The following IGF2BP3 variants were observed in gnomAD, a reference collection of about 807,000 sequenced individuals.
The protein encoded by IGF2BP3 is insulin-like growth factor 2 mRNA-binding protein 3.
In IGF2BP3, 9 loss-of-function variants were observed where a neutral mutation model predicts 73.8. The ratio of observed to expected loss-of-function variants is 0.12; its 90% CI spans 0.07 to 0.21. The LOEUF is 0.21. IGF2BP3 is among the 10% of genes least tolerant of loss of function. The probability of loss-of-function intolerance (pLI) is 1.00; values close to 1 mark genes in which losing one functional copy is unlikely to be tolerated. For synonymous variants in IGF2BP3, 258 were observed against 256.7 expected (o/e 1.01, Z -0.05); for missense variants, 542 against 714.0 (o/e 0.76, Z 2.75).
At chr7:23,435,939 T>C (rs1787799746) in intron 2 of IGF2BP3, among the ~76,000 whole-genome samples, 1 of 151,758 alleles carries the variant, frequency 6.6e-6, no homozygotes, top group Non-Finnish European at 1.5e-5. Context: ...GTATTTTTAG[T>C]AGAGACGGGG....
At chr7:23,467,526 G>A (rs1008868251) in intron 2 of IGF2BP3, among the ~76,000 whole-genome samples, 3 of 152,220 alleles carry the variant, frequency 2.0e-5, no homozygotes, top group Admixed American at 6.5e-5. Context: ...GCGACTGGGA[G>A]GGAGCAGTGC....
At chr7:23,328,349 C>T (rs1008063418) in intron 10 of IGF2BP3, among the ~76,000 whole-genome samples, 1 of 152,184 alleles carries the variant, frequency 6.6e-6, no homozygotes, top group African/African-American at 2.4e-5. Flanking sequence ...GCTGGGATTA[C>T]AGGCGTGTGC....
chr7:23,353,547 G>A (rs1323758922), intron 5 of IGF2BP3, among the ~76,000 whole-genome samples: 1 of 152,196 alleles, frequency 6.6e-6, no homozygotes, highest in Non-Finnish European at 1.5e-5. Context: ...CAGAACTGCT[G>A]CTCACTGCAG....
chr7:23,326,301 AAC>A (rs1329489157), intron 10 of IGF2BP3, among the ~76,000 whole-genome samples: 1 of 152,228 alleles, frequency 6.6e-6, no homozygotes, highest in Non-Finnish European at 1.5e-5. Flanking sequence ...ATGCAGCCAA[AAC>A]ACACATGAAA....
chr7:23,431,938 C>G lies in IGF2BP3; in HGVS notation c.237-13114G>C, dbSNP rs866587365. ...CTTGTTTTATTCACTGTTGCACATT[C>G]CACTGGTTAACAGATTGCTTAGCTC... On this transcript the variant is annotated intron_variant, in intron 2 of 14. Transcript: ENST00000258729. Among the ~76,000 whole-genome samples the G allele has an allele frequency of 5.9e-5, 9 of 152,130 alleles. No individual in the cohort carries two copies. In the South Asian group the frequency reaches 8.3e-4, roughly 14 times the overall value.
chr7:23,330,154 C>T (rs973610274), intron 10 of IGF2BP3, among the ~76,000 whole-genome samples: 5 of 151,948 alleles, frequency 3.3e-5, no homozygotes, highest in African/African-American at 1.2e-4. Context: ...GGCATGGTGG[C>T]AGGCACCTGT....
At chr7:23,332,424 G>A (rs1433387578) in intron 10 of IGF2BP3, among the ~76,000 whole-genome samples, 1 of 152,184 alleles carries the variant, frequency 6.6e-6, no homozygotes, top group Non-Finnish European at 1.5e-5. Context: ...GTAACACACT[G>A]CAAGTATTAA....
intron 2 of IGF2BP3, among the ~76,000 whole-genome samples, chr7:23,434,451 A>T (rs1248319307): frequency 6.6e-6 from 1 of 152,194 alleles, no homozygotes; most frequent in East Asian, 1.9e-4. Flanking sequence ...AGACTTGTTT[A>T]TATTTCCATT....
intron 2 of IGF2BP3, among the ~76,000 whole-genome samples, chr7:23,426,534 G>A (rs988435997): frequency 1.3e-5 from 2 of 152,128 alleles, no homozygotes; most frequent in Non-Finnish European, 2.9e-5. Flanking sequence ...TAACCTAAAT[G>A]TTACCCTTTT....
intron 10 of IGF2BP3, among the ~76,000 whole-genome samples, chr7:23,336,506 T>C (rs1484996424): frequency 1.3e-5 from 2 of 152,314 alleles, no homozygotes; most frequent in African/African-American, 4.8e-5. Flanking sequence ...ATGTTCTTTT[T>C]TTCTCTTCTT....
chr7:23,451,703 C>T (rs972598843), intron 2 of IGF2BP3, among the ~76,000 whole-genome samples: 3 of 152,034 alleles, frequency 2.0e-5, no homozygotes, highest in Admixed American at 6.6e-5. Flanking sequence ...ATTCACAACA[C>T]CTTGGGAGGC....
intron 10 of IGF2BP3, among the ~76,000 whole-genome samples, chr7:23,323,947 A>G (rs1784225471): frequency 6.6e-6 from 1 of 152,060 alleles, no homozygotes; most frequent in Admixed American, 6.5e-5. Flanking sequence ...TTATAGCACT[A>G]AATGCCCACA....
intron 3 of IGF2BP3, among the ~76,000 whole-genome samples, chr7:23,412,842 CTTTTTTTTTTTTTTTTTTTTTT>C (rs557467066): frequency 5.4e-4 from 20 of 37,020 alleles, no homozygotes; most frequent in African/African-American, 1.9e-3. Context: ...AGACTCTGGC[CTTTTTTTTTTTTTTTTTTTTTT>C]TTTTTTTTTT....
rs532985863 is a variant in IGF2BP3, at chr7:23,397,941, A to T, written c.285+20835T>A. Among the ~76,000 whole-genome samples, 245 of 152,300 alleles carry T rather than the reference A, an allele frequency of 1.6e-3. 2 individuals carry two copies. In the Middle Eastern group the frequency reaches 0.024, roughly 15 times the overall value. On this transcript the variant is annotated intron_variant, in intron 3 of 14. Transcript: ENST00000258729. ...GCCTTATGTAATCATGGATCCTTAC[A>T]AAAGGGGCGAGAGAGGAGGCAAAGT...
chr7:23,398,615 T>C (rs1027842769), intron 3 of IGF2BP3, among the ~76,000 whole-genome samples: 1 of 152,246 alleles, frequency 6.6e-6, no homozygotes, highest in Non-Finnish European at 1.5e-5. Flanking sequence ...TTAACTGGTA[T>C]GAGATGGTAT....
At chr7:23,350,963 C>T (rs1271643049) in intron 6 of IGF2BP3, among the ~76,000 whole-genome samples, 1 of 152,134 alleles carries the variant, frequency 6.6e-6, no homozygotes, top group African/African-American at 2.4e-5. Flanking sequence ...AAAATTACTT[C>T]CAAAAACAAT....
intron 3 of IGF2BP3, chr7:23,415,031 C>A (rs1388957844): frequency 4.8e-6 from 1 of 209,492 alleles, no homozygotes; most frequent in Non-Finnish European, 9.8e-6. Context: ...ATCACCAGGT[C>A]CCATCCGTCA....
At chr7:23,432,324 T>C (rs1787704097) in intron 2 of IGF2BP3, among the ~76,000 whole-genome samples, 1 of 152,222 alleles carries the variant, frequency 6.6e-6, no homozygotes, top group Non-Finnish European at 1.5e-5. Flanking sequence ...TGTCTTTCTT[T>C]TAGAAGATTA....
At chr7:23,330,973 T>G (rs989423511) in intron 10 of IGF2BP3, among the ~76,000 whole-genome samples, 6 of 151,548 alleles carry the variant, frequency 4.0e-5, no homozygotes, top group Admixed American at 1.3e-4. Context: ...AATTTTTGTA[T>G]TTTTTAGTAG....
Sources: allele counts gnomAD v4.1 joint callset (sites outside exome capture counted in the v4.1 genomes callset), GRCh38; gene constraint gnomAD v4.1.1; transcripts MANE v1.5; gene names NCBI Gene and HGNC (gene_info 2026-07-23, HGNC 2026-07-21).